Variants in SBF2 observed in about 807,000 individuals in gnomAD.
The protein encoded by SBF2 is SET binding factor 2, also known as myotubularin-related protein 13.
Under a neutral mutation model 225.2 loss-of-function variants are expected in SBF2, and 112 were observed. The observed-to-expected ratio is 0.50, with a 90% CI of 0.43 to 0.58. The LOEUF is 0.58. Ranked by LOEUF, SBF2 falls within the 20% of genes least tolerant of loss-of-function variation. The pLI is 0.00. For synonymous variants in SBF2, 763 were observed against 773.3 expected (o/e 0.99, Z 0.22); for missense variants, 1,996 against 2,206.2 (o/e 0.90, Z 1.91).
chr11:10,284,921 GT>G (rs34656701), intron 1 of SBF2, among the ~76,000 whole-genome samples: 200 of 147,924 alleles, frequency 1.4e-3, no homozygotes, highest in African/African-American at 4.3e-3. Context: ...GCTGACAAGA[GT>G]TTTTTTTTTT....
intron 6 of SBF2, among the ~76,000 whole-genome samples, chr11:10,014,505 T>TA (rs1181315538): frequency 0.017 from 1,185 of 70,742 alleles, 25 homozygotes; most frequent in Middle Eastern, 0.052. Flanking sequence ...CCATTTCAAC[T>TA]AAAAAAAAAA....
At chr11:9,993,165 T>C in intron 10 of SBF2, 62 bp from the exon 11 acceptor site, 1 of 1,264,282 alleles carries the variant, frequency 7.9e-7, no homozygotes, top group East Asian at 2.3e-5. Flanking sequence ...AAATATCAAG[T>C]CAAAAAGGTG....
chr11:10,231,641 A>G (rs1031322193), intron 1 of SBF2, among the ~76,000 whole-genome samples: 24 of 152,164 alleles, frequency 1.6e-4, no homozygotes, highest in African/African-American at 5.3e-4. Flanking sequence ...TGAACTGCAA[A>G]TGCTGCTGCC....
intron 16 of SBF2, chr11:9,959,223 A>C (rs112712742): frequency 1.3e-6 from 1 of 776,902 alleles, no homozygotes; most frequent in Admixed American, 1.7e-5. Context: ...GCATGACCTC[A>C]GCATTAGTCC....
chr11:10,062,257 T>C (rs886077474), intron 2 of SBF2, among the ~76,000 whole-genome samples: 1 of 152,150 alleles, frequency 6.6e-6, no homozygotes, highest in Admixed American at 6.5e-5. Flanking sequence ...ACCTAGGTAA[T>C]ACCCTCATGG....
intron 2 of SBF2, among the ~76,000 whole-genome samples, chr11:10,076,160 A>T (rs1951094509): frequency 6.6e-6 from 1 of 152,216 alleles, no homozygotes; most frequent in South Asian, 2.1e-4. Context: ...TACAATACAT[A>T]TTTCTACTAA....
At chr11:10,227,304 G>C (rs1194955669) in intron 1 of SBF2, among the ~76,000 whole-genome samples, 1 of 152,164 alleles carries the variant, frequency 6.6e-6, no homozygotes, top group Non-Finnish European at 1.5e-5. Context: ...TTCTTTTGCT[G>C]TGCAGAAGCT....
intron 17 of SBF2, among the ~76,000 whole-genome samples, chr11:9,859,240 T>G (rs988070334): frequency 4.6e-5 from 7 of 152,242 alleles, no homozygotes; most frequent in Non-Finnish European, 7.3e-5. Flanking sequence ...TCAAAATAAA[T>G]GAAATGCCAA....
intron 2 of SBF2, among the ~76,000 whole-genome samples, chr11:10,072,217 T>C (rs1047366966): frequency 2.6e-5 from 4 of 152,236 alleles, no homozygotes; most frequent in Admixed American, 1.3e-4. Flanking sequence ...ATCTTTTATA[T>C]CTTATATAGC....
chr11:10,014,985 G>A (rs1293041225), intron 6 of SBF2, among the ~76,000 whole-genome samples: 1 of 151,942 alleles, frequency 6.6e-6, no homozygotes, highest in Non-Finnish European at 1.5e-5. Context: ...ACAAAAATTA[G>A]CCAGGCATGG....
In SBF2 at chr11:9,856,457, C is replaced by T; in HGVS notation, c.2363+1G>A. 1 of 1,613,664 alleles carries T rather than the reference C, an allele frequency of 6.2e-7. No homozygotes were observed. Among genetic ancestry groups the T allele is most frequent in the Non-Finnish European group, 8.5e-7 (1 of 1,180,012 alleles). On this transcript the variant is annotated splice_donor_variant, in intron 19 of 39. Coordinates refer to ENST00000256190, the MANE Select transcript of SBF2 (RefSeq NM_030962.4). LOFTEE classifies it high-confidence loss of function. ...GGGTCTGTGTGTTCACATTTTGGTACCTGTTTGTGACAATGCTGTTGCTTC... is the reference window on the plus strand; with the variant it reads ...GGGTCTGTGTGTTCACATTTTGGTATCTGTTTGTGACAATGCTGTTGCTTC...
intron 2 of SBF2, among the ~76,000 whole-genome samples, chr11:10,098,273 A>T (rs1952117274): frequency 6.6e-6 from 1 of 152,066 alleles, no homozygotes; most frequent in Admixed American, 6.6e-5. Context: ...GGATTGAGAG[A>T]AGGAATGTAA....
intron 17 of SBF2, among the ~76,000 whole-genome samples, chr11:9,871,190 A>G (rs1858704171): frequency 6.6e-6 from 1 of 152,112 alleles, no homozygotes. Flanking sequence ...AAAAGAAACT[A>G]TCATCAGAGT....
Position 9,845,699 on chromosome 11 carries a change from T to A in SBF2, c.2976A>T (p.Val992=), listed in dbSNP as rs1159145941. The part of the protein sequence containing the change: ...VAFDEEVSPE[V]VEIFKKQLMK... ...TCAGCTGTTTCTTAAAGATCTCTACTACTTCTGGACTGACTTCTTCATCAA... is the reference window on the plus strand; with the variant it reads ...TCAGCTGTTTCTTAAAGATCTCTACAACTTCTGGACTGACTTCTTCATCAA... Residue 992 remains valine, a synonymous_variant, in exon 24 of 40, where the codon GTA becomes GTT. Coordinates refer to ENST00000256190, the MANE Select transcript of SBF2 (RefSeq NM_030962.4). 6.2e-7 allele frequency: 1 copy of A among 1,613,834 alleles called. No homozygotes were observed. Among genetic ancestry groups the A allele is most frequent in the African/African-American group, 1.3e-5 (1 of 74,934 alleles).
intron 2 of SBF2, among the ~76,000 whole-genome samples, chr11:10,140,712 T>G (rs1954602830): frequency 6.6e-6 from 1 of 152,172 alleles, no homozygotes. Context: ...GGTGACAGTT[T>G]GGACTTGAGA....
chr11:10,184,626 C>T (rs1301252520), intron 2 of SBF2, among the ~76,000 whole-genome samples: 1 of 152,198 alleles, frequency 6.6e-6, no homozygotes, highest in Non-Finnish European at 1.5e-5. Context: ...TCCCTTTCCC[C>T]AGCCCCTGGC....
intron 26 of SBF2, among the ~76,000 whole-genome samples, chr11:9,833,700 A>G (rs140981861): frequency 0.023 from 3,485 of 150,934 alleles, 59 homozygotes; most frequent in Non-Finnish European, 0.035. Context: ...GATTACAGGC[A>G]TGAGCCACCG....
intron 2 of SBF2, among the ~76,000 whole-genome samples, chr11:10,163,117 TA>T (rs1201518853): frequency 1.1e-4 from 17 of 152,100 alleles, no homozygotes; most frequent in Non-Finnish European, 2.4e-4. Context: ...AGGAGAAAAA[TA>T]AAAGCTGAAA....
intron 1 of SBF2, among the ~76,000 whole-genome samples, chr11:10,278,970 A>G (rs1406691518): frequency 6.6e-6 from 1 of 151,840 alleles, no homozygotes; most frequent in Non-Finnish European, 1.5e-5. Flanking sequence ...GGCTGGGCGC[A>G]ATGGCTTAAT....
Sources: allele counts gnomAD v4.1 joint callset (sites outside exome capture counted in the v4.1 genomes callset), GRCh38; gene constraint gnomAD v4.1.1; transcripts MANE v1.5; gene names NCBI Gene and HGNC (gene_info 2026-07-23, HGNC 2026-07-21).